Variants in ANKLE2 observed in about 807,000 individuals in gnomAD.
The protein encoded by ANKLE2 is ankyrin repeat and LEM domain containing 2, also known as ankyrin repeat and LEM domain-containing protein 2.
Under a neutral mutation model 84.2 loss-of-function variants are expected in ANKLE2, and 55 were observed. The ratio of observed to expected loss-of-function variants is 0.65; its 90% CI spans 0.53 to 0.82. The LOEUF is 0.82. ANKLE2 is among the 40% of genes least tolerant of loss of function. The probability of loss-of-function intolerance (pLI) is 0.00; values close to 1 mark genes in which losing one functional copy is unlikely to be tolerated. For missense variants in ANKLE2, 1,238 were observed against 1,201.9 expected (o/e 1.03, Z -0.44); for synonymous variants, 551 against 486.1 (o/e 1.13, Z -1.76).
At position 132,735,504 on chromosome 12, in the gene ANKLE2, ATCT is replaced by A; in HGVS notation, c.1599_1601del (p.Glu533del). On this transcript the variant is annotated inframe_deletion, in exon 9 of 13. Coordinates refer to ENST00000357997, the MANE Select transcript of ANKLE2 (RefSeq NM_015114.3). The stretch of plus-strand genomic sequence containing the variant: ...GTGGAGTTTTCCAGAGCTTGCGAAA[ATCT>A]TCTGCCTATGAAGAAAAAAAAATGT... 5.6e-6 allele frequency: 9 copies of A among 1,612,168 alleles called. No individual in the cohort carries two copies. Among genetic ancestry groups the A allele is most frequent in the Non-Finnish European group, 7.6e-6 (9 of 1,179,472 alleles).
intron 1 of ANKLE2, chr12:132,755,474 G>T: frequency 8.2e-5 from 14 of 170,986 alleles, no homozygotes; most frequent in South Asian, 3.2e-4. Flanking sequence ...GAACCCAGGA[G>T]GCGGAGGCTG....
intron 10 of ANKLE2, chr12:132,732,349 C>T (rs866891419): frequency 1.7e-5 from 2 of 115,200 alleles, no homozygotes; most frequent in East Asian, 2.8e-4. Flanking sequence ...AAGCTCTCTG[C>T]GTCCTGGTGT....
At chr12:132,729,208 A>G (rs11147025) in intron 11 of ANKLE2, among the ~76,000 whole-genome samples, 45,480 of 147,108 alleles carry the variant, frequency 0.31, 8,357 homozygotes, top group Non-Finnish European at 0.41. Flanking sequence ...AAAATCAGCT[A>G]GACGTGGTGG....
At chr12:132,732,682 C>G in intron 10 of ANKLE2, among the ~76,000 whole-genome samples, 1 of 120,364 alleles carries the variant, frequency 8.3e-6, no homozygotes, top group Non-Finnish European at 1.8e-5. Flanking sequence ...GTGTGAAGCT[C>G]TCTGCGTCCT....
At chr12:132,742,739 C>T (rs1566024210) in intron 6 of ANKLE2, among the ~76,000 whole-genome samples, 3 of 150,912 alleles carry the variant, frequency 2.0e-5, no homozygotes, top group Non-Finnish European at 4.4e-5. Flanking sequence ...CCAACACCAC[C>T]ATGATCATTG....
chr12:132,734,632 T>A, intron 9 of ANKLE2, 57 bp from the exon 10 acceptor site: 1 of 1,517,988 alleles, frequency 6.6e-7, no homozygotes, highest in Non-Finnish European at 8.9e-7. Flanking sequence ...TACTCAGAAC[T>A]ACACAGAAAA....
chr12:132,733,574 A>G (rs1424719208), intron 10 of ANKLE2, among the ~76,000 whole-genome samples: 1 of 86,426 alleles, frequency 1.2e-5, no homozygotes, highest in Admixed American at 1.2e-4. Flanking sequence ...TGGTGTCTGA[A>G]ATGCACCGTG....
intron 6 of ANKLE2, 78 bp from the exon 7 acceptor site, chr12:132,741,563 G>A (rs945194973): frequency 2.7e-5 from 38 of 1,387,446 alleles, no homozygotes; most frequent in Middle Eastern, 1.8e-4. Context: ...CAGAAAAATA[G>A]TTTTAAACTC....
chr12:132,751,275 C>T (rs1287051137), intron 2 of ANKLE2: 2 of 155,294 alleles, frequency 1.3e-5, no homozygotes, highest in Non-Finnish European at 2.8e-5. Context: ...GACGGAGTCT[C>T]GCTCTGTCGC....
chr12:132,752,918 G>T (rs2044387837), intron 2 of ANKLE2, among the ~76,000 whole-genome samples: 1 of 151,826 alleles, frequency 6.6e-6, no homozygotes, highest in African/African-American at 2.4e-5. Flanking sequence ...AGCACTTTGG[G>T]AGGCTCAGGT....
At chr12:132,732,167 T>A (rs2043867848) in intron 10 of ANKLE2, 1 of 147,382 alleles carries the variant, frequency 6.8e-6, no homozygotes, top group Non-Finnish European at 1.5e-5. Flanking sequence ...TGCATCCTGG[T>A]GTCTGATACG....
intron 6 of ANKLE2, 156 bp from the exon 7 acceptor site, chr12:132,741,641 G>C: frequency 1.3e-6 from 1 of 746,844 alleles, no homozygotes; most frequent in Non-Finnish European, 2.2e-6. Context: ...CGTGTGAAGA[G>C]TGTGGTCTTT....
At chr12:132,747,632 T>C (rs1053540872) in intron 5 of ANKLE2, among the ~76,000 whole-genome samples, 200 bp downstream of exon 5, 6 of 152,162 alleles carry the variant, frequency 3.9e-5, no homozygotes, top group Admixed American at 2.0e-4. Flanking sequence ...ACGACGACAA[T>C]GCAGGGGCCA....
chr12:132,725,585 A>C lies in ANKLE2; in HGVS notation c.*1657T>G, dbSNP rs368116769. The C allele has an allele frequency of 1.3e-5, 2 of 152,234 alleles. No individual in the cohort carries two copies. Among genetic ancestry groups the C allele is most frequent in the East Asian group, 3.8e-4 (2 of 5,204 alleles). The allele number at this position is 152,234 out of a possible 1,614,324, so 9.4% of individuals were successfully genotyped here. Reference sequence around the variant, plus strand: ...ACGAGAATGCCTCCGTTGGGACTGGAATCGCTGCCCACAAACAAACGGAGA... The same window carrying C: ...ACGAGAATGCCTCCGTTGGGACTGGCATCGCTGCCCACAAACAAACGGAGA... On this transcript the variant is annotated 3_prime_UTR_variant, in exon 13 of 13. Transcript: ENST00000357997.
intron 7 of ANKLE2, chr12:132,738,157 G>T (rs2044050565): frequency 6.8e-6 from 1 of 146,318 alleles, no homozygotes; most frequent in Non-Finnish European, 1.5e-5. Context: ...TGCTTCTCTT[G>T]TAGTTTATCA....
rs1212519582 is a variant in ANKLE2 at position 132,754,688 on chromosome 12, G to T, written c.627C>A (p.Val209=). 1 of 1,600,752 alleles carries T rather than the reference G, an allele frequency of 6.2e-7. No individual in the cohort carries two copies. The highest frequency in any genetic ancestry group is 1.3e-5 in the African/African-American group (1 of 74,470). Reference sequence around the variant, plus strand: ...CGGTCCCATTACCATTTCTCGCTGGGACGTCCTCATACACTGGACACACCC... The same window carrying T: ...CGGTCCCATTACCATTTCTCGCTGGTACGTCCTCATACACTGGACACACCC... ...YYGVCPVYED[V]PARNERIYVY... The change falls in exon 2 of 13, where the codon GTC becomes GTA. Residue 209 remains valine (V), a synonymous_variant. Transcript: ENST00000357997.
intron 7 of ANKLE2, among the ~76,000 whole-genome samples, chr12:132,740,918 C>G (rs556895434): frequency 2.2e-5 from 3 of 133,930 alleles, no homozygotes; most frequent in Non-Finnish European, 3.4e-5. Flanking sequence ...ACCAGGAGTA[C>G]AGGAGGAGGA....
chr12:132,731,890 G>C lies in ANKLE2; in HGVS notation c.1892-1620C>G, dbSNP rs188127574. The C allele has an allele frequency of 4.6e-5, 7 of 152,456 alleles. No individual in the cohort carries two copies. The East Asian group carries it at 1.3e-3, about 29-fold the overall frequency. The allele number at this position is 152,456 out of a possible 1,614,324, so 9.4% of individuals were successfully genotyped here. ...CTTTGGAAGCACTTTGCATCGTGGT[G>C]TCTGATATGCACCGTGTGAAGTGCT... is the stretch of plus-strand genomic sequence containing the variant. On this transcript the variant is annotated intron_variant, in intron 10 of 12. Transcript: ENST00000357997.
chr12:132,745,659 A>T (rs1424538197), intron 5 of ANKLE2: 3 of 167,612 alleles, frequency 1.8e-5, no homozygotes, highest in Non-Finnish European at 4.0e-5. Flanking sequence ...TGGGCCCATG[A>T]AGTCTAAGGT....
Sources: allele counts gnomAD v4.1 joint callset (sites outside exome capture counted in the v4.1 genomes callset), GRCh38; gene constraint gnomAD v4.1.1; transcripts MANE v1.5; gene names NCBI Gene and HGNC (gene_info 2026-07-23, HGNC 2026-07-21).